The following CGAS variants were observed in gnomAD, a reference collection of about 807,000 sequenced individuals.
The protein encoded by CGAS is 2'3'-cGAMP synthase.
A neutral mutation model predicts 34.0 loss-of-function variants in CGAS; 31 were observed. The ratio of observed to expected loss-of-function variants is 0.91; its 90% confidence interval spans 0.69 to 1.23. The LOEUF (loss-of-function observed/expected upper bound fraction) is 1.23, where lower values mean the gene tolerates loss of function less well. CGAS is among the 50% of genes most tolerant of loss of function. CGAS has a pLI of 0.00. For synonymous variants in CGAS, 266 were observed against 260.0 expected (o/e 1.02, Z -0.22); for missense variants, 597 against 657.6 (o/e 0.91, Z 1.01).
intron 3 of CGAS, among the ~76,000 whole-genome samples, chr6:73,431,973 C>T (rs956239472): frequency 4.6e-5 from 7 of 151,778 alleles, no homozygotes; most frequent in African/African-American, 1.7e-4. Flanking sequence ...GGACCAGAAG[C>T]ATACATCACC....
chr6:73,440,506 G>T, intron 2 of CGAS, 61 bp from the exon 3 acceptor site: 1 of 1,336,134 alleles, frequency 7.5e-7, no homozygotes, highest in Non-Finnish European at 1.0e-6. Flanking sequence ...TGGAAATACA[G>T]GGGAAATAAT....
In CGAS at chr6:73,436,646, T is replaced by C. The variant is rs561645128; in HGVS notation, c.1114+3563A>G. Among the ~76,000 whole-genome samples the C allele has an allele frequency of 3.3e-5, 5 of 151,896 alleles. No homozygotes were observed. In the South Asian group the frequency reaches 6.2e-4, roughly 19 times the overall value. Reference sequence around the variant, plus strand: ...CAAGTGATCCCCTGACATCAGCCTCTTGAATAGTTGGGACTACAGGCTTGC... The same window carrying C: ...CAAGTGATCCCCTGACATCAGCCTCCTGAATAGTTGGGACTACAGGCTTGC... On this transcript the variant is annotated intron_variant, in intron 3 of 4. Coordinates refer to ENST00000370315, the MANE Select transcript of CGAS (RefSeq NM_138441.3).
chr6:73,441,182 G>A (rs1039506867), intron 2 of CGAS, among the ~76,000 whole-genome samples: 4 of 150,170 alleles, frequency 2.7e-5, no homozygotes, highest in Non-Finnish European at 4.4e-5. Flanking sequence ...TCTGCCTCCC[G>A]GGTTCAATTG....
At chr6:73,440,524 T>C in intron 2 of CGAS, 79 bp from the exon 3 acceptor site, 1 of 1,208,476 alleles carries the variant, frequency 8.3e-7, no homozygotes. Context: ...AATGTAACTA[T>C]AATTGAAGAT....
chr6:73,425,381 A>T lies in CGAS; in HGVS notation c.1415T>A (p.Leu472His), dbSNP rs1467655080. The T allele has an allele frequency of 6.2e-7, 1 of 1,613,258 alleles. No homozygotes were observed. Among genetic ancestry groups the T allele is most frequent in the Non-Finnish European group, 8.5e-7 (1 of 1,179,914 alleles). The change falls in exon 5 of 5, where the codon CTT (leucine) becomes CAT (histidine). Residue 472 changes from leucine to histidine, a missense_variant. Around this residue, in one of 3 missense-constraint regions of CGAS, gnomAD observed 271 missense variants for 324.1 expected, o/e 0.84. Coordinates refer to ENST00000370315, the MANE Select transcript of CGAS (RefSeq NM_138441.3). ...LCFDNCVTYF[L>H]QCLRTEKLEN... ...AAGTTTTTCTGTCCTGAGGCACTGA[A>T]GAAAGTATGTCACGCAGTTATCAAA...
chr6:73,428,017 T>G (rs1376493149), intron 4 of CGAS, among the ~76,000 whole-genome samples: 1 of 152,032 alleles, frequency 6.6e-6, no homozygotes, highest in African/African-American at 2.4e-5. Context: ...CTCACCATGT[T>G]GCTAGGCTGG....
At chr6:73,436,673 C>T (rs892162594) in intron 3 of CGAS, among the ~76,000 whole-genome samples, 3 of 151,842 alleles carry the variant, frequency 2.0e-5, no homozygotes, top group African/African-American at 7.3e-5. Flanking sequence ...CAGGCTTGCA[C>T]CACCACACCT....
intron 4 of CGAS, among the ~76,000 whole-genome samples, chr6:73,426,588 G>A (rs1388705717): frequency 2.0e-5 from 3 of 149,480 alleles, no homozygotes; most frequent in African/African-American, 4.9e-5. Context: ...ATACAATCTC[G>A]GCTCACTGCA....
At position 73,446,188 on chromosome 6, in the gene CGAS, G is replaced by A. The variant is rs143455825; in HGVS notation, c.658-441C>T. Among the ~76,000 whole-genome samples the A allele has an allele frequency of 6.5e-3, 983 of 152,048 alleles. 12 individuals carry two copies. The highest frequency in any genetic ancestry group is 0.022 in the African/African-American group (920 of 41,486). ...CTACTAAAAATACAAAAATTAGCCGGGCATAGTGGCATGCGCCTGTAATCC... is the reference window on the plus strand; with the variant it reads ...CTACTAAAAATACAAAAATTAGCCGAGCATAGTGGCATGCGCCTGTAATCC... On this transcript the variant is annotated intron_variant, in intron 1 of 4. Transcript: ENST00000370315.
At chr6:73,427,798 C>T (rs1471881163) in intron 4 of CGAS, among the ~76,000 whole-genome samples, 1 of 152,006 alleles carries the variant, frequency 6.6e-6, no homozygotes, top group African/African-American at 2.4e-5. Context: ...CAAAGGGAGA[C>T]CACCATCTCT....
chr6:73,425,400 T>C lies in CGAS; in HGVS notation c.1396A>G (p.Asn466Asp). ...CACTGAAGAAAGTATGTCACGCAGT[T>C]ATCAAAGCAGAGGCCCAGGTCTTTG... is the stretch of plus-strand genomic sequence containing the variant. ...DRKDLGLCFD[N>D]CVTYFLQCLR... Residue 466 changes from asparagine to aspartate, a missense_variant, in exon 5 of 5, where the codon AAC becomes GAC. Asn to Asp is a conservative substitution (Grantham distance 23). Around this residue, in one of 3 missense-constraint regions of CGAS, gnomAD observed 271 missense variants for 324.1 expected, o/e 0.84. Coordinates refer to ENST00000370315, the MANE Select transcript of CGAS (RefSeq NM_138441.3). 6.2e-7 allele frequency: 1 copy of C among 1,613,924 alleles called. No homozygotes were observed. Among genetic ancestry groups the C allele is most frequent in the East Asian group, 2.2e-5 (1 of 44,886 alleles).
chr6:73,449,057 C>T (rs955675916), intron 1 of CGAS, among the ~76,000 whole-genome samples: 1 of 151,628 alleles, frequency 6.6e-6, no homozygotes, highest in African/African-American at 2.4e-5. Context: ...TCACTGCACT[C>T]CACCCTGGGT....
rs527943698 is a variant in CGAS, at chr6:73,430,056, A to T, written c.1115-1245T>A. On this transcript the variant is annotated intron_variant, in intron 3 of 4. Transcript: ENST00000370315. ...TCTTAAAATCCTATAGTCGTTCATC[A>T]TTAAAAAAACACCTCTTAGCAATCT... Among the ~76,000 whole-genome samples the T allele has an allele frequency of 1.5e-3, 236 of 152,276 alleles. 4 individuals carry two copies. The highest frequency in any genetic ancestry group is 5.5e-3 in the African/African-American group (228 of 41,562).
chr6:73,431,680 G>C, intron 3 of CGAS, among the ~76,000 whole-genome samples: 1 of 152,124 alleles, frequency 6.6e-6, no homozygotes, highest in East Asian at 1.9e-4. Context: ...TGAGTTAAAA[G>C]AGATTTAACA....
At chr6:73,439,964 C>T (rs1006283171) in intron 3 of CGAS, 32 of 423,048 alleles carry the variant, frequency 7.6e-5, no homozygotes, top group South Asian at 5.1e-4. Flanking sequence ...TTTTCTTTAC[C>T]GAAAAAAATA....
intron 1 of CGAS, among the ~76,000 whole-genome samples, chr6:73,447,200 C>T (rs1770486804): frequency 6.6e-6 from 1 of 152,072 alleles, no homozygotes; most frequent in South Asian, 2.1e-4. Context: ...TTCAAATTTA[C>T]CCAGTTATGT....
chr6:73,441,083 T>A (rs1005488484), intron 2 of CGAS, among the ~76,000 whole-genome samples: 3 of 142,976 alleles, frequency 2.1e-5, no homozygotes, highest in South Asian at 4.3e-4. Context: ...TTTCTTTTTC[T>A]TTTTTTTTTT....
Position 73,425,459 on chromosome 6 carries a change from CA to C in CGAS, c.1336del (p.Cys446ValfsTer23). On this transcript the variant is annotated frameshift_variant, in exon 5 of 5. Coordinates refer to ENST00000370315, the MANE Select transcript of CGAS (RefSeq NM_138441.3). LOFTEE classifies it low-confidence loss of function (END_TRUNC). ...CTGACTGTCTTGAGGGTTCTGGGTACATACGTGAAAGAAGGCAGTTTTCACA... is the reference window on the plus strand; with the variant it reads ...CTGACTGTCTTGAGGGTTCTGGGTACTACGTGAAAGAAGGCAGTTTTCACA... ...YHVKTAFFHVCTQNPQDSQWD... is the reference protein window; with the variant it reads ...YHVKTAFFHVXTQNPQDSQWD... 1 of 1,614,082 alleles carries C rather than the reference CA, an allele frequency of 6.2e-7. No individual in the cohort carries two copies. Among genetic ancestry groups the C allele is most frequent in the South Asian group, 1.1e-5 (1 of 91,064 alleles).
intron 2 of CGAS, among the ~76,000 whole-genome samples, chr6:73,442,597 C>CTT (rs66905880): frequency 2.1e-4 from 28 of 131,480 alleles, no homozygotes; most frequent in African/African-American, 3.7e-4. Flanking sequence ...TTTTTTCTTT[C>CTT]TTTTTTTTTT....
Sources: allele counts gnomAD v4.1 joint callset (sites outside exome capture counted in the v4.1 genomes callset), GRCh38; gene constraint gnomAD v4.1.1; regional missense constraint gnomAD v4.1.1; transcripts MANE v1.5; gene names NCBI Gene and HGNC (gene_info 2026-07-23, HGNC 2026-07-21).